The following RAPGEF5 variants were observed in gnomAD, a reference collection of about 807,000 sequenced individuals.
RAPGEF5 encodes the protein M-Ras-regulated GEF.
A neutral mutation model predicts 125.2 loss-of-function variants in RAPGEF5; 65 were observed. The ratio of observed to expected loss-of-function variants is 0.52; its 90% CI spans 0.43 to 0.64. The LOEUF is 0.64. RAPGEF5 is among the 30% of genes least tolerant of loss of function. The pLI, the probability that RAPGEF5 is intolerant of heterozygous loss-of-function variation, is 0.00. For missense variants in RAPGEF5, 958 were observed against 1,048.1 expected, an observed-to-expected ratio of 0.91 and a Z score of 1.19; for synonymous variants, 391 against 385.9, an observed-to-expected ratio of 1.01 and a Z score of -0.16.
chr7:22,184,396 A>G (rs17146361), intron 11 of RAPGEF5, among the ~76,000 whole-genome samples: 2,836 of 152,310 alleles, frequency 0.019, 84 homozygotes, highest in African/African-American at 0.064. Flanking sequence ...AAACTGTAAC[A>G]TTTGCATAAC....
At chr7:22,219,839 T>A in intron 9 of RAPGEF5, 27 bp downstream of exon 9, 2 of 1,572,606 alleles carry the variant, frequency 1.3e-6, no homozygotes, top group East Asian at 2.3e-5. Context: ...CCTTCAAACC[T>A]GCATCCCCAA....
intron 3 of RAPGEF5, among the ~76,000 whole-genome samples, chr7:22,311,870 T>C (rs528089112): frequency 1.3e-5 from 2 of 152,238 alleles, no homozygotes; most frequent in Non-Finnish European, 2.9e-5. Flanking sequence ...CTCTGCCAAT[T>C]AGTCAGCATC....
intron 11 of RAPGEF5, among the ~76,000 whole-genome samples, chr7:22,185,425 T>C (rs1399913198): frequency 6.6e-6 from 1 of 152,188 alleles, no homozygotes; most frequent in African/African-American, 2.4e-5. Context: ...CTGAGAAAAT[T>C]TCTACACAAT....
chr7:22,247,282 T>G (rs1355432835), intron 7 of RAPGEF5, among the ~76,000 whole-genome samples: 1 of 152,250 alleles, frequency 6.6e-6, no homozygotes, highest in Non-Finnish European at 1.5e-5. Context: ...TGCACTCATA[T>G]GTTTACTGCA....
intron 1 of RAPGEF5, among the ~76,000 whole-genome samples, chr7:22,337,813 A>C (rs1000330698): frequency 4.6e-5 from 7 of 152,216 alleles, no homozygotes; most frequent in Non-Finnish European, 1.0e-4. Context: ...TGGCTCTTAG[A>C]TCTGAGGAAG....
chr7:22,316,354 G>GAT (rs771876497), intron 2 of RAPGEF5, among the ~76,000 whole-genome samples: 1 of 54,784 alleles, frequency 1.8e-5, no homozygotes, highest in Non-Finnish European at 4.7e-5. Context: ...CTACTATATA[G>GAT]ATAGATAGAT....
At chr7:22,141,984 T>G (rs1783277016) in intron 20 of RAPGEF5, among the ~76,000 whole-genome samples, 1 of 152,216 alleles carries the variant, frequency 6.6e-6, no homozygotes, top group Admixed American at 6.5e-5. Flanking sequence ...TTGCCTCATT[T>G]TACTTTTTCT....
At chr7:22,183,458 A>G (rs920024655) in intron 11 of RAPGEF5, among the ~76,000 whole-genome samples, 1 of 152,152 alleles carries the variant, frequency 6.6e-6, no homozygotes, top group African/African-American at 2.4e-5. Flanking sequence ...TTACTTAACT[A>G]CAAAGAAAGA....
intron 1 of RAPGEF5, among the ~76,000 whole-genome samples, chr7:22,326,925 G>T (rs898777180): frequency 6.6e-6 from 1 of 152,140 alleles, no homozygotes; most frequent in Non-Finnish European, 1.5e-5. Context: ...TGCAGGTAAT[G>T]GATAGGTTCG....
chr7:22,136,694 C>T (rs1783088360), intron 22 of RAPGEF5, among the ~76,000 whole-genome samples: 1 of 152,026 alleles, frequency 6.6e-6, no homozygotes, highest in Non-Finnish European at 1.5e-5. Flanking sequence ...AAAAGCCTGC[C>T]TTCTGAAAAA....
chr7:22,128,779 G>A (rs899824782), intron 24 of RAPGEF5, among the ~76,000 whole-genome samples: 5 of 152,210 alleles, frequency 3.3e-5, no homozygotes, highest in African/African-American at 9.6e-5. Flanking sequence ...TGAAGAGCCC[G>A]TGCCTGCCTG....
In RAPGEF5 at chr7:22,194,026, T is replaced by C. The variant is rs369983515; in HGVS notation, c.1004A>G (p.Asp335Gly). Residue 335 changes from aspartate (D) to glycine (G), a missense_variant, in exon 10 of 26, where the codon GAT becomes GGT. Transcript: ENST00000665637. ...TTTAACCTGAACAGTCGTCACTTCA[T>C]CATCTTGCTTTAATTGTGGACAGGG... Reference protein sequence around the residue: ...KEQEKSEHQDDEVTTVQVKEQ... With the variant: ...KEQEKSEHQDGEVTTVQVKEQ... 1.2e-5 allele frequency: 19 copies of C among 1,612,654 alleles called. No individual in the cohort carries two copies. Among genetic ancestry groups the C allele is most frequent in the African/African-American group, 4.0e-5 (3 of 74,866 alleles).
intron 6 of RAPGEF5, among the ~76,000 whole-genome samples, chr7:22,276,048 A>C (rs1434402753): frequency 2.6e-5 from 4 of 152,198 alleles, no homozygotes. Context: ...CTGAAGCCCT[A>C]ACTGCTGATC....
At chr7:22,162,966 C>T (rs1480743868) in intron 12 of RAPGEF5, 1 of 457,518 alleles carries the variant, frequency 2.2e-6, no homozygotes, top group Non-Finnish European at 4.4e-6. Flanking sequence ...AATTCACATT[C>T]TGTAAAACCA....
At chr7:22,167,018 A>C (rs367801763) in intron 12 of RAPGEF5, 52 bp downstream of exon 12, 5 of 1,436,672 alleles carry the variant, frequency 3.5e-6, no homozygotes, top group Non-Finnish European at 4.9e-6. Flanking sequence ...CTAACGTGGG[A>C]CATCTGTCTG....
intron 6 of RAPGEF5, among the ~76,000 whole-genome samples, chr7:22,280,404 C>G (rs1427534931): frequency 6.6e-6 from 1 of 152,094 alleles, no homozygotes; most frequent in East Asian, 1.9e-4. Flanking sequence ...CAAAACCAAC[C>G]CTGGCCCTTT....
At chr7:22,267,916 T>C (rs1157928696) in intron 6 of RAPGEF5, among the ~76,000 whole-genome samples, 1 of 152,016 alleles carries the variant, frequency 6.6e-6, no homozygotes, top group Non-Finnish European at 1.5e-5. Context: ...TATATTGCAG[T>C]AATGACACTT....
At chr7:22,168,196 G>C (rs963950273) in intron 11 of RAPGEF5, among the ~76,000 whole-genome samples, 1 of 152,132 alleles carries the variant, frequency 6.6e-6, no homozygotes, top group Non-Finnish European at 1.5e-5. Context: ...GTATTAGGAG[G>C]GGGTATTTGA....
At chr7:22,130,267 C>G (rs771935257) in intron 24 of RAPGEF5, among the ~76,000 whole-genome samples, 2 of 152,176 alleles carry the variant, frequency 1.3e-5, no homozygotes, top group Non-Finnish European at 2.9e-5. Flanking sequence ...TGGAGTACTT[C>G]TATTTTACAG....
Sources: gnomAD v4.1 joint callset for allele counts (sites outside exome capture counted in the v4.1 genomes callset) on GRCh38, gnomAD v4.1.1 for gene constraint, MANE v1.5 for transcripts, NCBI Gene and HGNC (gene_info 2026-07-23, HGNC 2026-07-21) for gene names.